Variants in MS4A4A observed in about 807,000 individuals in gnomAD.
MS4A4A encodes the protein membrane-spanning 4-domains subfamily A member 4A.
MS4A4A carries 26 observed loss-of-function variants against 28.0 expected under a neutral mutation model. That is an observed-to-expected ratio of 0.93 (90% CI 0.68 to 1.29). The LOEUF is 1.29. Ranked by LOEUF, MS4A4A falls within the 50% of genes most tolerant of loss-of-function variation. The pLI is 0.00. For synonymous variants in MS4A4A, 86 were observed against 100.8 expected, an observed-to-expected ratio of 0.85 and a Z score of 0.88; for missense variants, 290 against 293.1, an observed-to-expected ratio of 0.99 and a Z score of 0.08.
intron 4 of MS4A4A, among the ~76,000 whole-genome samples, chr11:60,302,251 G>A (rs1222013749): frequency 6.6e-6 from 1 of 152,218 alleles, no homozygotes; most frequent in Non-Finnish European, 1.5e-5. Context: ...AGGAGTGGCA[G>A]GGAAGGACAC....
chr11:60,286,400 T>C (rs1423934104), intron 1 of MS4A4A, among the ~76,000 whole-genome samples: 1 of 152,208 alleles, frequency 6.6e-6, no homozygotes, highest in African/African-American at 2.4e-5. Flanking sequence ...GTGATAAATG[T>C]CCATGAAATC....
chr11:60,296,217 G>A (rs1481766256), intron 2 of MS4A4A, among the ~76,000 whole-genome samples: 1 of 151,846 alleles, frequency 6.6e-6, no homozygotes, highest in Non-Finnish European at 1.5e-5. Context: ...TGTCTTTAAG[G>A]AGTTATCCAT....
chr11:60,300,785 T>C (rs2084947002), intron 3 of MS4A4A, among the ~76,000 whole-genome samples: 1 of 152,140 alleles, frequency 6.6e-6, no homozygotes, highest in Non-Finnish European at 1.5e-5. Flanking sequence ...TTCAGTTAGA[T>C]ATTTGAAAAA....
At position 60,293,343 on chromosome 11, in the gene MS4A4A, ATAAT is replaced by A. The variant is rs1421421754; in HGVS notation, c.201+962_201+965del. On this transcript the variant is annotated intron_variant, in intron 2 of 6. Coordinates refer to ENST00000337908, the MANE Select transcript of MS4A4A (RefSeq NM_148975.3). Reference sequence around the variant, plus strand: ...AGTGGGTTTATTTTTTAATGTATGAATAATTATTTTAAAATATACTGTATGTTTT... The same window carrying A: ...AGTGGGTTTATTTTTTAATGTATGAATATTTTAAAATATACTGTATGTTTT... Among the ~76,000 whole-genome samples, 4 of 152,224 alleles carry A rather than the reference ATAAT, an allele frequency of 2.6e-5. No individual in the cohort carries two copies. The East Asian group carries it at 7.7e-4, about 29-fold the overall frequency.
intron 1 of MS4A4A, among the ~76,000 whole-genome samples, chr11:60,281,693 C>T (rs775081280): frequency 3.3e-5 from 5 of 152,046 alleles, no homozygotes; most frequent in Non-Finnish European, 7.4e-5. Context: ...AGGATGGTGA[C>T]ATAAAAATGA....
At chr11:60,289,624 T>A (rs370858362) in intron 1 of MS4A4A, among the ~76,000 whole-genome samples, 2 of 148,296 alleles carry the variant, frequency 1.3e-5, no homozygotes, top group South Asian at 4.4e-4. Flanking sequence ...TGTGTGTGTG[T>A]TGATGATGAT....
chr11:60,292,989 G>A (rs2084871362), intron 2 of MS4A4A, among the ~76,000 whole-genome samples: 1 of 152,076 alleles, frequency 6.6e-6, no homozygotes, highest in Non-Finnish European at 1.5e-5. Context: ...CTGGAGGGGG[G>A]GAAATATAGT....
chr11:60,302,144 A>G (rs775368187), intron 4 of MS4A4A, among the ~76,000 whole-genome samples: 3 of 152,244 alleles, frequency 2.0e-5, no homozygotes, highest in African/African-American at 4.8e-5. Context: ...CGTACAGAAA[A>G]GAATATACTG....
chr11:60,299,448 C>CTTTTTTTTTTTTTT (rs5792179), intron 3 of MS4A4A, among the ~76,000 whole-genome samples: 1 of 113,216 alleles, frequency 8.8e-6, no homozygotes, highest in Admixed American at 1.0e-4. Context: ...AATTACAATT[C>CTTTTTTTTTTTTTT]TTTTTTTTTT....
chr11:60,301,268 G>T (rs565962862), intron 4 of MS4A4A, among the ~76,000 whole-genome samples: 1 of 152,110 alleles, frequency 6.6e-6, no homozygotes, highest in Non-Finnish European at 1.5e-5. Context: ...GGAATCTTAC[G>T]CTTGTGGAGG....
At chr11:60,300,176 T>G (rs1225062314) in intron 3 of MS4A4A, among the ~76,000 whole-genome samples, 1 of 152,196 alleles carries the variant, frequency 6.6e-6, no homozygotes, top group African/African-American at 2.4e-5. Flanking sequence ...CAATTGAATA[T>G]TAAAAGATAG....
intron 5 of MS4A4A, 69 bp downstream of exon 5, chr11:60,302,786 G>A: frequency 1.4e-6 from 2 of 1,411,282 alleles, no homozygotes. Context: ...CTCTGGCAAA[G>A]ACAATAATTA....
intron 6 of MS4A4A, among the ~76,000 whole-genome samples, chr11:60,306,683 G>C (rs2085005930): frequency 1.3e-5 from 2 of 152,190 alleles, no homozygotes; most frequent in Admixed American, 1.3e-4. Context: ...AGGGTTCAGT[G>C]AGTGTCACCT....
chr11:60,297,866 A>C (rs76659464), intron 3 of MS4A4A, among the ~76,000 whole-genome samples: 22,701 of 152,180 alleles, frequency 0.15, 1,828 homozygotes, highest in African/African-American at 0.17. Flanking sequence ...TGAGAAACTG[A>C]ACAAAATGAT....
At chr11:60,299,565 C>CG (rs1565147552) in intron 3 of MS4A4A, among the ~76,000 whole-genome samples, 1 of 151,700 alleles carries the variant, frequency 6.6e-6, no homozygotes, top group African/African-American at 2.4e-5. Flanking sequence ...CTCCGCCTCC[C>CG]GGGTTCTCAC....
At chr11:60,297,438 G>T in intron 3 of MS4A4A, 113 bp downstream of exon 3, 1 of 1,200,562 alleles carries the variant, frequency 8.3e-7, no homozygotes, top group South Asian at 1.6e-5. Flanking sequence ...TCTGAGAGTG[G>T]TATCTAACCA....
intron 1 of MS4A4A, among the ~76,000 whole-genome samples, chr11:60,291,557 T>C (rs764434961): frequency 6.6e-6 from 1 of 152,076 alleles, no homozygotes; most frequent in Non-Finnish European, 1.5e-5. Flanking sequence ...TCCAGCACTT[T>C]GGGAGGCCGA....
At chr11:60,308,013 G>A in intron 6 of MS4A4A, 94 bp from the exon 7 acceptor site, 1 of 1,102,594 alleles carries the variant, frequency 9.1e-7, no homozygotes. Context: ...GAAGAAAAGA[G>A]TAAACTCTGA....
chr11:60,296,344 T>C (rs1379581579), intron 2 of MS4A4A, among the ~76,000 whole-genome samples: 1 of 152,016 alleles, frequency 6.6e-6, no homozygotes, highest in Non-Finnish European at 1.5e-5. Flanking sequence ...TAGTAATTTT[T>C]GTCCTCTCTC....
Sources: gnomAD v4.1 joint callset for allele counts (sites outside exome capture counted in the v4.1 genomes callset) on GRCh38, gnomAD v4.1.1 for gene constraint, MANE v1.5 for transcripts, NCBI Gene and HGNC (gene_info 2026-07-23, HGNC 2026-07-21) for gene names.